Variants in FGF14 observed in about 807,000 individuals in gnomAD.
FGF14 encodes fibroblast growth factor homologous factor 4.
FGF14 carries 5 observed loss-of-function variants against 25.5 expected under a neutral mutation model. That is an observed-to-expected ratio of 0.20 (90% CI 0.10 to 0.41). The LOEUF (loss-of-function observed/expected upper bound fraction) is 0.41. Ranked by LOEUF, FGF14 falls within the 10% of genes least tolerant of loss-of-function variation. The pLI is 1.00. For synonymous variants in FGF14, 138 were observed against 118.3 expected (o/e 1.17, Z -1.08); for missense variants, 222 against 320.1 (o/e 0.69, Z 2.34).
chr13:102,161,638 AAGAAGAAGAAGAAGAAG>A (rs2047721009), intron 1 of FGF14, among the ~76,000 whole-genome samples: 1 of 11,584 alleles, frequency 8.6e-5, no homozygotes, highest in South Asian at 5.0e-3. Context: ...GAAGAAGAAG[AAGAAGAAGAAGAAGAAG>A]AAGAAGAAGA....
intron 1 of FGF14, among the ~76,000 whole-genome samples, chr13:101,988,580 A>G (rs1054508318): frequency 1.3e-5 from 2 of 151,970 alleles, no homozygotes; most frequent in Non-Finnish European, 2.9e-5. Flanking sequence ...GCTGGAAACC[A>G]TCATTCTCAG....
At chr13:102,368,013 G>C (rs2057765769) in intron 1 of FGF14, 1 of 152,160 alleles carries the variant, frequency 6.6e-6, no homozygotes, top group Non-Finnish European at 1.5e-5. Context: ...TCATTCCAGG[G>C]AGTGTGACCG....
At chr13:101,861,325 C>T (rs1435264974) in intron 3 of FGF14, among the ~76,000 whole-genome samples, 1 of 152,038 alleles carries the variant, frequency 6.6e-6, no homozygotes, top group Non-Finnish European at 1.5e-5. Context: ...TAACCAAATG[C>T]AGCATCTTAC....
intron 3 of FGF14, among the ~76,000 whole-genome samples, chr13:101,740,113 T>C (rs1594088174): frequency 6.6e-6 from 1 of 152,204 alleles, no homozygotes; most frequent in East Asian, 1.9e-4. Flanking sequence ...ATCTTTAGTG[T>C]TGTGAGCCCT....
intron 1 of FGF14, among the ~76,000 whole-genome samples, chr13:102,041,073 C>A (rs1313868296): frequency 2.6e-5 from 4 of 152,028 alleles, no homozygotes; most frequent in East Asian, 1.9e-4. Context: ...GATTTCTAAT[C>A]TAGTAGCTCC....
chr13:101,937,425 G>C (rs2035174500), intron 1 of FGF14, among the ~76,000 whole-genome samples: 1 of 152,194 alleles, frequency 6.6e-6, no homozygotes, highest in Non-Finnish European at 1.5e-5. Context: ...TGGACACACA[G>C]AGATCCCAGG....
rs377118319 is a variant in FGF14, at chr13:102,079,343, AAG to A, written c.209-204049_209-204048del. Among the ~76,000 whole-genome samples, 667 of 152,344 alleles carry A rather than the reference AAG, an allele frequency of 4.4e-3. 4 individuals carry two copies. The highest frequency in any genetic ancestry group is 0.015 in the African/African-American group (638 of 41,574). Reference sequence around the variant, plus strand: ...CTGAACTTTCAGGAAATCATGGAAAAAGAGAGTTTGCACATTTTCTTTCCCAG... The same window carrying A: ...CTGAACTTTCAGGAAATCATGGAAAAAGAGTTTGCACATTTTCTTTCCCAG... On this transcript the variant is annotated intron_variant, in intron 1 of 4. Coordinates refer to the FGF14 transcript ENST00000376131.
At chr13:102,394,642 C>T (rs890224462) in intron 1 of FGF14, 1 of 152,464 alleles carries the variant, frequency 6.6e-6, no homozygotes, top group Admixed American at 6.5e-5. Flanking sequence ...GTAGCGAAGC[C>T]CCCGGCGAGC....
At chr13:102,294,957 T>C (rs559222585) in intron 1 of FGF14, among the ~76,000 whole-genome samples, 5 of 152,304 alleles carry the variant, frequency 3.3e-5, no homozygotes, top group East Asian at 1.9e-4. Flanking sequence ...AACTTGAAAA[T>C]TGAAGTGATT....
At chr13:102,375,601 A>C (rs796179812) in intron 1 of FGF14, among the ~76,000 whole-genome samples, 10 of 152,312 alleles carry the variant, frequency 6.6e-5, no homozygotes, top group Admixed American at 2.6e-4. Flanking sequence ...AAGACTGCTT[A>C]TATGGGAGGC....
intron 1 of FGF14, among the ~76,000 whole-genome samples, chr13:102,182,325 C>T (rs1456521457): frequency 6.6e-6 from 1 of 152,158 alleles, no homozygotes; most frequent in Non-Finnish European, 1.5e-5. Context: ...GCAGACTCTA[C>T]CTCAGAGCCT....
intron 1 of FGF14, among the ~76,000 whole-genome samples, chr13:102,272,284 G>A (rs1404213547): frequency 6.6e-6 from 1 of 152,100 alleles, no homozygotes. Context: ...AGCTTTCCCG[G>A]ACAACTCATT....
intron 1 of FGF14, among the ~76,000 whole-genome samples, chr13:101,896,375 C>T (rs79346234): frequency 0.028 from 4,248 of 152,192 alleles, 85 homozygotes; most frequent in Non-Finnish European, 0.038. Flanking sequence ...TCTATGCCCC[C>T]CACTCTGTAC....
At chr13:102,278,645 T>TATATATATATATAC (rs1452733538) in intron 1 of FGF14, among the ~76,000 whole-genome samples, 7 of 146,954 alleles carry the variant, frequency 4.8e-5, no homozygotes, top group South Asian at 4.3e-4. Flanking sequence ...TATATATATA[T>TATATATATATATAC]ACATACACAC....
chr13:102,010,230 A>G (rs962566301), intron 1 of FGF14, among the ~76,000 whole-genome samples: 1 of 152,190 alleles, frequency 6.6e-6, no homozygotes, highest in African/African-American at 2.4e-5. Context: ...TTTATATTAT[A>G]TAACAGGTTT....
chr13:102,095,995 GTGTGTGTA>G (rs113505137), intron 1 of FGF14, among the ~76,000 whole-genome samples: 117 of 93,634 alleles, frequency 1.2e-3, no homozygotes, highest in African/African-American at 3.5e-3. Context: ...GTGTGTGTGT[GTGTGTGTA>G]TATATATATA....
intron 3 of FGF14, among the ~76,000 whole-genome samples, chr13:101,823,383 G>T (rs892128591): frequency 1.3e-5 from 2 of 148,614 alleles, no homozygotes; most frequent in Non-Finnish European, 3.0e-5. Context: ...ATAAATACAT[G>T]TTTTGTATAT....
chr13:102,223,933 A>C (rs1378361278), intron 1 of FGF14, among the ~76,000 whole-genome samples: 1 of 152,190 alleles, frequency 6.6e-6, no homozygotes, highest in Non-Finnish European at 1.5e-5. Context: ...TATAAATGAC[A>C]GAATAACATA....
intron 3 of FGF14, among the ~76,000 whole-genome samples, chr13:101,742,926 G>C (rs2036646451): frequency 6.6e-6 from 1 of 152,142 alleles, no homozygotes; most frequent in East Asian, 1.9e-4. Flanking sequence ...CACTAAAGCA[G>C]ATGAAGACAT....
Sources: allele counts gnomAD v4.1 joint callset (sites outside exome capture counted in the v4.1 genomes callset), GRCh38; gene constraint gnomAD v4.1.1; transcripts MANE v1.5; gene names NCBI Gene and HGNC (gene_info 2026-07-23, HGNC 2026-07-21).